Variants in ASZ1 observed in about 807,000 individuals in gnomAD.
ASZ1 encodes ankyrin repeat, SAM and basic leucine zipper domain-containing protein 1.
In ASZ1, 67 loss-of-function variants were observed where a neutral mutation model predicts 61.8. That is an observed-to-expected ratio of 1.08 (90% CI 0.89 to 1.33). The LOEUF (loss-of-function observed/expected upper bound fraction) is 1.33. Among genes scored for constraint, ASZ1 ranks in the 40% most tolerant of loss-of-function variants. The pLI is 0.00. For synonymous variants in ASZ1, 193 were observed against 192.7 expected, an observed-to-expected ratio of 1.00 and a Z score of -0.01; for missense variants, 577 against 554.5, an observed-to-expected ratio of 1.04 and a Z score of -0.41.
chr7:117,363,486 G>A lies in ASZ1; in HGVS notation c.*110C>T, dbSNP rs1584712718. ...TCCACATTGTCAAAATTTTTCCTAT[G>A]GAATATTGGCAAAGAATGTAAAGTT... On this transcript the variant is annotated 3_prime_UTR_variant, in exon 13 of 13. Coordinates refer to ENST00000284629, the MANE Select transcript of ASZ1 (RefSeq NM_130768.3). 2.0e-6 allele frequency: 2 copies of A among 976,398 alleles called. No homozygotes were observed. Among genetic ancestry groups the A allele is most frequent in the Non-Finnish European group, 2.7e-6 (2 of 734,584 alleles). 60.5% of individuals were successfully genotyped at this position (976,398 alleles called of 1,614,324 possible). A position where few individuals can be genotyped will look rare whatever the true frequency, so the allele number is the denominator to read the frequency against.
chr7:117,396,953 AC>A (rs1363912382), intron 4 of ASZ1, among the ~76,000 whole-genome samples: 1 of 152,048 alleles, frequency 6.6e-6, no homozygotes, highest in Non-Finnish European at 1.5e-5. Flanking sequence ...CAAAATCACA[AC>A]ATAAAAAATT....
intron 4 of ASZ1, among the ~76,000 whole-genome samples, chr7:117,397,936 C>T (rs1186644080): frequency 1.3e-5 from 2 of 152,230 alleles, no homozygotes; most frequent in East Asian, 1.9e-4. Flanking sequence ...AGCTATTAAT[C>T]GGCCACAGGC....
rs768740791 is a variant in ASZ1 at position 117,407,409 on chromosome 7, T to TAA, written c.440+12752_440+12753dup. 6.0e-5 allele frequency among the ~76,000 whole-genome samples: 8 copies of TAA among 133,838 alleles called. No individual in the cohort carries two copies. In the South Asian group the frequency reaches 1.7e-3, roughly 28 times the overall value. The allele number at this position is 133,838 out of a possible 152,430, so 87.8% of individuals were successfully genotyped here. On this transcript the variant is annotated intron_variant, in intron 4 of 12. Transcript: ENST00000284629. ...CTCAGTAACTGATAGAACACGGAAG[T>TAA]AAAAAAAAAAAAAAATCAGGACAGT... is the stretch of plus-strand genomic sequence containing the variant.
intron 4 of ASZ1, among the ~76,000 whole-genome samples, chr7:117,417,707 T>C (rs1041632425): frequency 6.6e-6 from 1 of 152,222 alleles, no homozygotes; most frequent in African/African-American, 2.4e-5. Context: ...CACAATTCAA[T>C]TTTATTGCTT....
intron 4 of ASZ1, among the ~76,000 whole-genome samples, chr7:117,417,560 T>C (rs541421585): frequency 6.6e-6 from 1 of 152,314 alleles, no homozygotes; most frequent in African/African-American, 2.4e-5. Flanking sequence ...ACTCCCCATA[T>C]GTCCTGATAT....
intron 10 of ASZ1, among the ~76,000 whole-genome samples, chr7:117,375,461 G>T (rs1014813556): frequency 1.3e-4 from 20 of 152,038 alleles, no homozygotes; most frequent in African/African-American, 4.8e-4. Context: ...CCATCCTATA[G>T]AAATATAGTT....
At chr7:117,391,955 C>T (rs910195065) in intron 4 of ASZ1, among the ~76,000 whole-genome samples, 4 of 151,952 alleles carry the variant, frequency 2.6e-5, no homozygotes, top group African/African-American at 9.7e-5. Flanking sequence ...CCAGGCCCAG[C>T]AAAGTTTTGT....
At chr7:117,426,210 G>A (rs541548105) in intron 2 of ASZ1, among the ~76,000 whole-genome samples, 2 of 151,892 alleles carry the variant, frequency 1.3e-5, no homozygotes, top group Admixed American at 6.5e-5. Flanking sequence ...GGCAGGGCAC[G>A]GTGGCTCATG....
rs556539218 is a variant in ASZ1, at chr7:117,379,946, C to A, written c.1047G>T (p.Leu349Phe). 2.5e-6 allele frequency: 4 copies of A among 1,582,480 alleles called. No individual in the cohort carries two copies. The African/African-American group carries it at 5.4e-5, about 21-fold the overall frequency. ...QFGELSEETK[L>F]EISGDEFLNF... ...AAATAAGTTAATTTTACCTGATTTC[C>A]AACTTTGTCTCTTCAGATAGCTCTC... The change falls in exon 10 of 13, where the codon TTG (leucine) becomes TTT (phenylalanine). Residue 349 changes from leucine (L) to phenylalanine (F), a missense_variant. Coordinates refer to ENST00000284629, the MANE Select transcript of ASZ1 (RefSeq NM_130768.3).
intron 11 of ASZ1, chr7:117,368,348 A>C: frequency 9.1e-7 from 1 of 1,093,632 alleles, no homozygotes; most frequent in South Asian, 4.1e-5. Context: ...TTAAAAAAGA[A>C]CACATGGTAA....
chr7:117,403,158 A>G (rs1020012034), intron 4 of ASZ1, among the ~76,000 whole-genome samples: 1 of 152,136 alleles, frequency 6.6e-6, no homozygotes, highest in Non-Finnish European at 1.5e-5. Flanking sequence ...GGCAATGGGG[A>G]TGCTGAAGAA....
chr7:117,418,728 G>C (rs1285771542), intron 4 of ASZ1, among the ~76,000 whole-genome samples: 1 of 151,722 alleles, frequency 6.6e-6, no homozygotes, highest in African/African-American at 2.4e-5. Context: ...TTGGGAGGTG[G>C]AGGCAGGCAG....
At chr7:117,410,910 T>A (rs1469900933) in intron 4 of ASZ1, among the ~76,000 whole-genome samples, 1 of 151,712 alleles carries the variant, frequency 6.6e-6, no homozygotes, top group Non-Finnish European at 1.5e-5. Context: ...AGTGTATAAT[T>A]TATTATACAC....
rs1025814531 is a variant in ASZ1, at chr7:117,418,019, C to T, written c.440+2144G>A. On this transcript the variant is annotated intron_variant, in intron 4 of 12. Coordinates refer to ENST00000284629, the MANE Select transcript of ASZ1 (RefSeq NM_130768.3). ...GTTTTTCCCAATACATCTTATGTAC[C>T]TAAAGGATATCTTCTAGTTCTTGAG... 2.0e-5 allele frequency among the ~76,000 whole-genome samples: 3 copies of T among 152,122 alleles called. No homozygotes were observed. In the East Asian group the frequency reaches 5.8e-4, roughly 29 times the overall value.
chr7:117,385,541 G>A (rs973598495), intron 5 of ASZ1, among the ~76,000 whole-genome samples, 157 bp downstream of exon 5: 1 of 152,146 alleles, frequency 6.6e-6, no homozygotes, highest in Non-Finnish European at 1.5e-5. Context: ...GATTACAGGT[G>A]TGAGTCACCA....
intron 4 of ASZ1, among the ~76,000 whole-genome samples, chr7:117,406,723 A>T (rs955538533): frequency 4.0e-5 from 6 of 151,512 alleles, no homozygotes; most frequent in African/African-American, 1.2e-4. Context: ...ACTGCACTCC[A>T]GCCTGGGCAA....
intron 4 of ASZ1, among the ~76,000 whole-genome samples, chr7:117,386,379 C>G (rs988099020): frequency 6.6e-6 from 1 of 152,088 alleles, no homozygotes; most frequent in African/African-American, 2.4e-5. Flanking sequence ...ATAGATTAAC[C>G]AGCTTAATAT....
At chr7:117,380,275 T>C (rs1796225794) in intron 9 of ASZ1, among the ~76,000 whole-genome samples, 1 of 151,816 alleles carries the variant, frequency 6.6e-6, no homozygotes, top group Non-Finnish European at 1.5e-5. Context: ...TTTTTTGCAA[T>C]ACATAACAAC....
chr7:117,364,615 GA>G (rs956731447), intron 12 of ASZ1, among the ~76,000 whole-genome samples: 6 of 152,138 alleles, frequency 3.9e-5, no homozygotes, highest in African/African-American at 1.4e-4. Flanking sequence ...TCCTGTGCTG[GA>G]GTGATGACAT....
Sources: allele counts gnomAD v4.1 joint callset (sites outside exome capture counted in the v4.1 genomes callset), GRCh38; gene constraint gnomAD v4.1.1; transcripts MANE v1.5; gene names NCBI Gene and HGNC (gene_info 2026-07-23, HGNC 2026-07-21).